ARIH1: variants seen among roughly 807,000 people sequenced by gnomAD.
ARIH1 encodes the protein ariadne RBR E3 ubiquitin protein ligase 1.
Under a neutral mutation model 85.0 loss-of-function variants are expected in ARIH1, and 8 were observed. The observed-to-expected ratio is 0.09, with a 90% CI of 0.06 to 0.17. The LOEUF (loss-of-function observed/expected upper bound fraction) is 0.17, where lower values mean the gene tolerates loss of function less well. Among genes scored for constraint, ARIH1 ranks in the 10% least tolerant of loss-of-function variants. The pLI is 1.00. For synonymous variants in ARIH1, 238 were observed against 253.6 expected (o/e 0.94, Z 0.59); for missense variants, 311 against 718.1 (o/e 0.43, Z 6.48).
At position 72,588,529 on chromosome 15, in the gene ARIH1, A is replaced by G. The variant is rs1036263164; in HGVS notation, c.*5237A>G. On this transcript the variant is annotated 3_prime_UTR_variant, in exon 14 of 14. Transcript: ENST00000379887. Reference sequence around the variant, plus strand: ...ATTCTCACATGCAGACTAGGTTGAGATCCTTGATCTAGACTGCCTTCTATA... The same window carrying G: ...ATTCTCACATGCAGACTAGGTTGAGGTCCTTGATCTAGACTGCCTTCTATA... The G allele has an allele frequency of 6.6e-6, 1 of 152,180 alleles. No individual in the cohort carries two copies. Among genetic ancestry groups the G allele is most frequent in the Admixed American group, 6.6e-5 (1 of 15,264 alleles). The allele number at this position is 152,180 out of a possible 1,614,324, so 9.4% of individuals were successfully genotyped here.
At chr15:72,573,604 T>C (rs2064257791) in intron 11 of ARIH1, among the ~76,000 whole-genome samples, 2 of 152,196 alleles carry the variant, frequency 1.3e-5, no homozygotes, top group African/African-American at 4.8e-5. Flanking sequence ...TTTGTAACTA[T>C]AAATGATGTT....
chr15:72,514,814 G>C (rs1379696529), intron 1 of ARIH1, among the ~76,000 whole-genome samples: 1 of 151,726 alleles, frequency 6.6e-6, no homozygotes, highest in African/African-American at 2.4e-5. Context: ...GAGACCAGTA[G>C]AGGGGGTTTC....
At chr15:72,527,321 C>T (rs960358183) in intron 2 of ARIH1, among the ~76,000 whole-genome samples, 16 of 152,266 alleles carry the variant, frequency 1.1e-4, no homozygotes, top group African/African-American at 3.9e-4. Flanking sequence ...CATATGACAC[C>T]ACAACTAATA....
intron 1 of ARIH1, among the ~76,000 whole-genome samples, chr15:72,513,675 C>T (rs906118488): frequency 2.1e-5 from 3 of 141,394 alleles, no homozygotes; most frequent in African/African-American, 5.3e-5. Context: ...TTCAATCTCT[C>T]TCTCTCCCTC....
chr15:72,516,018 CATG>C (rs907383857), intron 1 of ARIH1, among the ~76,000 whole-genome samples: 9 of 152,178 alleles, frequency 5.9e-5, no homozygotes, highest in African/African-American at 1.7e-4. Flanking sequence ...TAAATAAAAA[CATG>C]GTGGTGGAAA....
intron 2 of ARIH1, among the ~76,000 whole-genome samples, chr15:72,544,003 A>G (rs929049878): frequency 6.6e-6 from 1 of 152,116 alleles, no homozygotes; most frequent in African/African-American, 2.4e-5. Flanking sequence ...CTGCTCTACT[A>G]TCTTCTGTCC....
intron 3 of ARIH1, among the ~76,000 whole-genome samples, chr15:72,551,709 C>T (rs2064153695): frequency 6.6e-6 from 1 of 152,096 alleles, no homozygotes; most frequent in South Asian, 2.1e-4. Flanking sequence ...AATATGAACA[C>T]TAAGAATTAA....
chr15:72,484,630 C>CAT (rs561062659), intron 1 of ARIH1, among the ~76,000 whole-genome samples: 7,145 of 147,664 alleles, frequency 0.048, 391 homozygotes, highest in African/African-American at 0.14. Context: ...AGTATTCCAT[C>CAT]ATATATATAT....
chr15:72,519,475 G>GTTTTTTTTTTTTTTT (rs150165121), intron 2 of ARIH1, among the ~76,000 whole-genome samples: 1 of 62,544 alleles, frequency 1.6e-5, no homozygotes, highest in African/African-American at 6.5e-5. Context: ...TGTTTTTTTT[G>GTTTTTTTTTTTTTTT]TTTTTTTTTT....
intron 5 of ARIH1, among the ~76,000 whole-genome samples, chr15:72,561,158 C>G (rs1400225837): frequency 1.3e-5 from 2 of 152,108 alleles, no homozygotes; most frequent in African/African-American, 4.8e-5. Flanking sequence ...GATATGATAT[C>G]AGAGTCAAAA....
At chr15:72,539,405 G>GGTA (rs2064096612) in intron 2 of ARIH1, among the ~76,000 whole-genome samples, 1 of 151,560 alleles carries the variant, frequency 6.6e-6, no homozygotes. Context: ...AGGGATCAGA[G>GGTA]GTAAACTGAT....
intron 2 of ARIH1, among the ~76,000 whole-genome samples, chr15:72,538,700 A>G (rs182324121): frequency 6.6e-6 from 1 of 152,218 alleles, no homozygotes. Flanking sequence ...ATGTTTCTCT[A>G]TAGCAGGCAA....
chr15:72,535,331 C>T (rs1478988447), intron 2 of ARIH1, among the ~76,000 whole-genome samples: 1 of 152,158 alleles, frequency 6.6e-6, no homozygotes, highest in East Asian at 1.9e-4. Context: ...TAGGATTCTT[C>T]TCCCATTCTT....
chr15:72,484,171 C>CAAAAAAA (rs35300595), intron 1 of ARIH1, among the ~76,000 whole-genome samples: 2 of 117,672 alleles, frequency 1.7e-5, no homozygotes, highest in African/African-American at 3.4e-5. Flanking sequence ...GAAACTCCAT[C>CAAAAAAA]AAAAAAAAAA....
At position 72,584,202 on chromosome 15, in the gene ARIH1, G is replaced by C. The variant is rs2064306585; in HGVS notation, c.*910G>C. The C allele has an allele frequency of 6.6e-6, 1 of 152,150 alleles. No homozygotes were observed. The highest frequency in any genetic ancestry group is 2.4e-5 in the African/African-American group (1 of 41,424). The allele number at this position is 152,150 out of a possible 1,614,324, so 9.4% of individuals were successfully genotyped here. On this transcript the variant is annotated 3_prime_UTR_variant, in exon 14 of 14. Transcript: ENST00000379887. The stretch of plus-strand genomic sequence containing the variant: ...CCTCATGCCTTGAATTCCTGCTCTT[G>C]ATCAGGGACAAGGGAGGTCAAGCTC...
At chr15:72,517,475 A>T (rs974075518) in intron 1 of ARIH1, among the ~76,000 whole-genome samples, 1 of 150,736 alleles carries the variant, frequency 6.6e-6, no homozygotes, top group Non-Finnish European at 1.5e-5. Flanking sequence ...CCCAGGCTGG[A>T]GTGCAGTGGT....
intron 2 of ARIH1, among the ~76,000 whole-genome samples, chr15:72,519,271 G>A (rs1422943288): frequency 2.0e-5 from 3 of 150,894 alleles, no homozygotes; most frequent in Non-Finnish European, 3.0e-5. Context: ...AAATAATACC[G>A]AGAATATCAC....
chr15:72,551,730 A>G (rs1443826560), intron 3 of ARIH1, among the ~76,000 whole-genome samples: 1 of 152,206 alleles, frequency 6.6e-6, no homozygotes, highest in Non-Finnish European at 1.5e-5. Flanking sequence ...AGTGGGGGAA[A>G]AGATTTCCCC....
In ARIH1 at chr15:72,474,873, TGGC is replaced by T. The variant is rs375614248; in HGVS notation, c.255_257del (p.Gly90del). On this transcript the variant is annotated inframe_deletion, in exon 1 of 14. Coordinates refer to ENST00000379887, the MANE Select transcript of ARIH1 (RefSeq NM_005744.5). ...GCGGCAGCGCTCTGGGGCCCGGCGG[TGGC>T]GGCGGCGGCGGCGGCGGCGGTGGTG... The T allele has an allele frequency of 6.2e-4, 869 of 1,406,666 alleles. No homozygotes were observed. Among genetic ancestry groups the T allele is most frequent in the South Asian group, 4.1e-3 (250 of 61,492 alleles). The allele number at this position is 1,406,666 out of a possible 1,614,324, so 87.1% of individuals were successfully genotyped here. A position where few individuals can be genotyped will look rare whatever the true frequency, so the allele number is the denominator to read the frequency against.
Sources: allele counts gnomAD v4.1 joint callset (sites outside exome capture counted in the v4.1 genomes callset), GRCh38; gene constraint gnomAD v4.1.1; transcripts MANE v1.5; gene names NCBI Gene and HGNC (gene_info 2026-07-23, HGNC 2026-07-21).